DIAPH2: variants seen among roughly 807,000 people sequenced by gnomAD.
DIAPH2 encodes the protein diaphanous related formin 2, also known as protein diaphanous homolog 2.
Under a neutral mutation model 92.7 loss-of-function variants are expected in DIAPH2, and 35 were observed. The observed-to-expected ratio is 0.38, with a 90% CI of 0.29 to 0.50. DIAPH2 has a LOEUF of 0.50. Ranked by LOEUF, DIAPH2 falls within the 20% of genes least tolerant of loss-of-function variation. DIAPH2 has a pLI of 0.94. For missense variants in DIAPH2, 701 were observed against 819.5 expected (o/e 0.86, Z 1.77); for synonymous variants, 301 against 280.4 (o/e 1.07, Z -0.73).
At chrX:97,046,198 C>T (rs1200979231) in intron 17 of DIAPH2, among the ~76,000 whole-genome samples, 2 of 107,272 alleles carry the variant, frequency 1.9e-5, no homozygotes, top group Admixed American at 2.0e-4. Flanking sequence ...AATATGGAAG[C>T]ATCTTTGAAT....
At chrX:97,598,504 T>C (rs182177653) in intron 26 of DIAPH2, among the ~76,000 whole-genome samples, 61 of 112,242 alleles carry the variant, frequency 5.4e-4, no homozygotes, top group African/African-American at 1.9e-3. Flanking sequence ...GCATTTAAGC[T>C]GAGCATAAAA....
At chrX:97,533,669 G>A (rs147332785) in intron 26 of DIAPH2, among the ~76,000 whole-genome samples, 1 of 110,849 alleles carries the variant, frequency 9.0e-6, no homozygotes, top group Non-Finnish European at 1.9e-5. Flanking sequence ...TATTTTCTCT[G>A]TTTCAACTAA....
chrX:96,942,125 C>G lies in DIAPH2; in HGVS notation c.1433C>G (p.Thr478Ser), dbSNP rs928067608. 6.3e-6 allele frequency: 7 copies of G among 1,110,696 alleles called. No individual in the cohort carries two copies. The Admixed American group carries it at 1.3e-4, about 21-fold the overall frequency. 91.5% of individuals were successfully genotyped at this position (1,110,696 alleles called of 1,213,427 possible). ...AGGCAAAGATTAGACATCGATTTAACTCATCTGATAGGTATGTATCATAAT... is the reference window on the plus strand; with the variant it reads ...AGGCAAAGATTAGACATCGATTTAAGTCATCTGATAGGTATGTATCATAAT... Reference protein sequence around the residue: ...KYRQRLDIDLTHLIDSCVNKA... With the variant: ...KYRQRLDIDLSHLIDSCVNKA... Residue 478 changes from threonine (T) to serine (S), a missense_variant, in exon 13 of 27, where the codon ACT becomes AGT. By Grantham distance (58) the Thr-to-Ser change is moderately conservative (BLOSUM62 1). This residue lies in a region of DIAPH2 where 536 missense variants were observed against 599.3 expected (regional missense o/e 0.89). Transcript: ENST00000324765.
chrX:97,519,800 C>T (rs5921842), intron 26 of DIAPH2, among the ~76,000 whole-genome samples: 45,934 of 109,619 alleles, frequency 0.42, 8,152 homozygotes, highest in Non-Finnish European at 0.56. Flanking sequence ...GGCGCGATCT[C>T]GGCTCACCTC....
At chrX:97,369,091 A>G (rs1012289077) in intron 24 of DIAPH2, among the ~76,000 whole-genome samples, 1 of 109,031 alleles carries the variant, frequency 9.2e-6, no homozygotes, top group African/African-American at 3.3e-5. Flanking sequence ...TATTTTTATT[A>G]GAGACAAGTT....
At chrX:96,868,611 C>T in intron 4 of DIAPH2, among the ~76,000 whole-genome samples, 1 of 111,538 alleles carries the variant, frequency 9.0e-6, no homozygotes, top group African/African-American at 3.3e-5. Flanking sequence ...CTTCAAACTC[C>T]CTTATCACCC....
At chrX:96,949,615 G>A (rs140697079) in intron 15 of DIAPH2, among the ~76,000 whole-genome samples, 4,972 of 104,813 alleles carry the variant, frequency 0.047, 348 homozygotes, top group African/African-American at 0.17. Context: ...AGGCGGAAGC[G>A]GGCAGATCAC....
At chrX:96,805,602 G>A (rs755063021) in intron 4 of DIAPH2, among the ~76,000 whole-genome samples, 5 of 111,026 alleles carry the variant, frequency 4.5e-5, no homozygotes, top group Non-Finnish European at 9.4e-5. Flanking sequence ...GAAGTGCTAC[G>A]TCAAACTTTT....
intron 17 of DIAPH2, among the ~76,000 whole-genome samples, chrX:97,025,279 G>T (rs751563662): frequency 9.0e-6 from 1 of 110,957 alleles, no homozygotes; most frequent in Non-Finnish European, 1.9e-5. Context: ...GAACTCGGGA[G>T]GCAGAGGTTG....
chrX:97,394,463 A>G (rs899507915), intron 25 of DIAPH2, among the ~76,000 whole-genome samples: 6 of 111,461 alleles, frequency 5.4e-5, no homozygotes, highest in Non-Finnish European at 1.1e-4. Context: ...CAAGAAATCT[A>G]TGTTTATATA....
At chrX:97,391,642 A>G (rs913070201) in intron 25 of DIAPH2, among the ~76,000 whole-genome samples, 17 of 111,317 alleles carry the variant, frequency 1.5e-4, no homozygotes, top group Middle Eastern at 4.6e-3. Context: ...TTTCCTATCA[A>G]TGTAGCAAAG....
chrX:96,755,798 TATG>T (rs2064224774), intron 3 of DIAPH2, among the ~76,000 whole-genome samples: 1 of 111,467 alleles, frequency 9.0e-6, no homozygotes, highest in South Asian at 3.7e-4. Context: ...AAAATTTAGA[TATG>T]ATTCACATAC....
At chrX:96,962,364 TACACATATATATATAC>T (rs1569436538) in intron 16 of DIAPH2, among the ~76,000 whole-genome samples, 19 of 64,664 alleles carry the variant, frequency 2.9e-4, no homozygotes, top group African/African-American at 4.8e-4. Flanking sequence ...CATATATATA[TACACATATATATATAC>T]ACATATATAT....
At chrX:97,165,908 C>T (rs916229176) in intron 22 of DIAPH2, among the ~76,000 whole-genome samples, 9 of 110,937 alleles carry the variant, frequency 8.1e-5, no homozygotes, top group Admixed American at 7.7e-4. Context: ...TACTCTCTCT[C>T]TCTCTCTGTC....
intron 26 of DIAPH2, among the ~76,000 whole-genome samples, chrX:97,473,315 C>A (rs948623398): frequency 9.0e-6 from 1 of 111,156 alleles, no homozygotes; most frequent in Non-Finnish European, 1.9e-5. Flanking sequence ...AAGAATATTT[C>A]TTTTTTAAAA....
At chrX:96,946,040 T>C (rs982667421) in intron 14 of DIAPH2, among the ~76,000 whole-genome samples, 2 of 111,815 alleles carry the variant, frequency 1.8e-5, no homozygotes, top group African/African-American at 6.5e-5. Flanking sequence ...TCTCTCTTTC[T>C]CACTCTCTTT....
chrX:96,897,225 T>C (rs914431552), intron 5 of DIAPH2, among the ~76,000 whole-genome samples: 1 of 111,401 alleles, frequency 9.0e-6, no homozygotes, highest in Non-Finnish European at 1.9e-5. Flanking sequence ...TTTGGTTACA[T>C]GGATGAGTTC....
At chrX:96,755,717 C>CAA (rs67781827) in intron 3 of DIAPH2, among the ~76,000 whole-genome samples, 15,695 of 102,190 alleles carry the variant, frequency 0.15, 1,057 homozygotes, top group East Asian at 0.31. Context: ...TTTACTTTAT[C>CAA]AAAAAAAAAA....
intron 17 of DIAPH2, among the ~76,000 whole-genome samples, chrX:97,064,497 A>G (rs749456896): frequency 1.8e-5 from 2 of 110,505 alleles, no homozygotes; most frequent in East Asian, 5.7e-4. Flanking sequence ...TAAGTATGGA[A>G]CACATACCCC....
Sources: allele counts gnomAD v4.1 joint callset (sites outside exome capture counted in the v4.1 genomes callset), GRCh38; gene constraint gnomAD v4.1.1; regional missense constraint gnomAD v4.1.1; transcripts MANE v1.5; gene names NCBI Gene and HGNC (gene_info 2026-07-23, HGNC 2026-07-21).